The following SLC30A6 variants were observed in gnomAD, a reference collection of about 807,000 sequenced individuals.
SLC30A6 encodes solute carrier family 30 member 6, also known as zinc transporter 6.
A neutral mutation model predicts 63.0 loss-of-function variants in SLC30A6; 55 were observed. The observed-to-expected ratio is 0.87, with a 90% confidence interval of 0.70 to 1.09. SLC30A6 has a LOEUF of 1.09. SLC30A6 is among the 50% of genes least tolerant of loss of function. The probability of loss-of-function intolerance (pLI) is 0.00; values close to 1 mark genes in which losing one functional copy is unlikely to be tolerated. For missense variants in SLC30A6, 587 were observed against 549.2 expected, an observed-to-expected ratio of 1.07 and a Z score of -0.69; for synonymous variants, 224 against 186.1, an observed-to-expected ratio of 1.20 and a Z score of -1.66.
At chr2:32,216,913 A>G (rs1685760491) in intron 13 of SLC30A6, among the ~76,000 whole-genome samples, 1 of 151,368 alleles carries the variant, frequency 6.6e-6, no homozygotes, top group African/African-American at 2.4e-5. Context: ...TTTTTAGACG[A>G]AGTCTAGCTC....
At chr2:32,166,001 A>G in intron 1 of SLC30A6, 98 bp downstream of exon 1, 1 of 1,559,598 alleles carries the variant, frequency 6.4e-7, no homozygotes, top group Admixed American at 1.7e-5. Flanking sequence ...CACCCAGAGG[A>G]GGGGTCATTG....
rs1686052835 is a variant in SLC30A6, at chr2:32,220,269, T to C, written c.942T>C (p.Ala314=). The C allele has an allele frequency of 6.2e-7, 1 of 1,614,092 alleles. No homozygotes were observed. Among genetic ancestry groups the C allele is most frequent in the Admixed American group, 1.7e-5 (1 of 60,002 alleles). The part of the protein sequence containing the change: ...RRDANEQMVL[A]HVTNRLYTLV... ...ATGCCAATGAACAAATGGTTCTTGCTCATGTGACCAACAGGCTGTACACTC... is the reference window on the plus strand; with the variant it reads ...ATGCCAATGAACAAATGGTTCTTGCCCATGTGACCAACAGGCTGTACACTC... Residue 314 remains alanine (A), a synonymous_variant, in exon 14 of 14, where the codon GCT becomes GCC. Coordinates refer to ENST00000282587, the MANE Select transcript of SLC30A6 (RefSeq NM_017964.5).
At chr2:32,181,974 A>G (rs979392072) in intron 4 of SLC30A6, among the ~76,000 whole-genome samples, 20 of 131,644 alleles carry the variant, frequency 1.5e-4, no homozygotes, top group African/African-American at 5.3e-4. Context: ...TTACTCTGTC[A>G]CCCAGGCTGA....
chr2:32,211,110 A>G (rs954024022), intron 13 of SLC30A6, among the ~76,000 whole-genome samples: 2 of 152,138 alleles, frequency 1.3e-5, no homozygotes, highest in African/African-American at 4.8e-5. Flanking sequence ...TTTCCTTGGT[A>G]GGGTCTCAGA....
Position 32,223,643 on chromosome 2 carries a change from A to ATTAATT in SLC30A6, c.*2932_*2937dup. On this transcript the variant is annotated 3_prime_UTR_variant, in exon 14 of 14. Coordinates refer to ENST00000282587, the MANE Select transcript of SLC30A6 (RefSeq NM_017964.5). ...CGTTACCTACACCAACACCCAAGCC[A>ATTAATT]TTAATTTGAGGTGCCATGAGAATAG... 6.6e-6 allele frequency: 1 copy of ATTAATT among 152,352 alleles called. No homozygotes were observed. The highest frequency in any genetic ancestry group is 2.1e-4 in the South Asian group (1 of 4,830). The allele number at this position is 152,352 out of a possible 1,614,324, so 9.4% of individuals were successfully genotyped here.
chr2:32,188,463 G>A (rs1310738648), intron 5 of SLC30A6, among the ~76,000 whole-genome samples: 2 of 152,166 alleles, frequency 1.3e-5, no homozygotes, highest in African/African-American at 4.8e-5. Context: ...GGAGGCCGAG[G>A]TGGGAGGATC....
Position 32,222,003 on chromosome 2 carries a change from A to G in SLC30A6, c.*1290A>G, listed in dbSNP as rs1686170696. 1.3e-5 allele frequency: 2 copies of G among 152,238 alleles called. No individual in the cohort carries two copies. The highest frequency in any genetic ancestry group is 4.8e-5 in the African/African-American group (2 of 41,462). The allele number at this position is 152,238 out of a possible 1,614,324, so 9.4% of individuals were successfully genotyped here. On this transcript the variant is annotated 3_prime_UTR_variant, in exon 14 of 14. Transcript: ENST00000282587. ...TTCAAGTTGCACAAAGAATTTGAGC[A>G]TATATAATTTTACCAAAGCATAATG... is the stretch of plus-strand genomic sequence containing the variant.
At chr2:32,207,516 A>G (rs1456630706) in intron 12 of SLC30A6, among the ~76,000 whole-genome samples, 1 of 151,118 alleles carries the variant, frequency 6.6e-6, no homozygotes, top group African/African-American at 2.4e-5. Context: ...AGCCGGGACT[A>G]CAGATGCAAG....
rs1683466349 is a variant in SLC30A6, at chr2:32,192,943, G to A, written c.391G>A (p.Glu131Lys). The change falls in exon 7 of 14, where the codon GAG becomes AAG. Residue 131 changes from glutamate (E) to lysine (K), a missense_variant. Glu to Lys is a moderately conservative substitution (Grantham distance 56). Transcript: ENST00000282587. Reference sequence around the variant, plus strand: ...TGCAGAACGCTTTTTGGAACAGCCCGAGATACACACGTGAGATTTTATTTT... The same window carrying A: ...TGCAGAACGCTTTTTGGAACAGCCCAAGATACACACGTGAGATTTTATTTT... ...ESAERFLEQP[E>K]IHTGRLLVGT... 1 of 1,510,956 alleles carries A rather than the reference G, an allele frequency of 6.6e-7. No homozygotes were observed. The highest frequency in any genetic ancestry group is 1.3e-5 in the South Asian group (1 of 76,466). 93.6% of individuals were successfully genotyped at this position (1,510,956 alleles called of 1,614,324 possible).
At position 32,206,869 on chromosome 2, in the gene SLC30A6, A is replaced by G; in HGVS notation, c.769-17A>G. 5 of 1,605,344 alleles carry G rather than the reference A, an allele frequency of 3.1e-6. No homozygotes were observed. The highest frequency in any genetic ancestry group is 4.3e-6 in the Non-Finnish European group (5 of 1,172,344). ...TTCCTTCCCCCATTATTCATATTTTATTGTATTTTTCCCCAGACAACACCA... is the reference window on the plus strand; with the variant it reads ...TTCCTTCCCCCATTATTCATATTTTGTTGTATTTTTCCCCAGACAACACCA... On this transcript the variant is annotated splice_polypyrimidine_tract_variant and intron_variant, in intron 11 of 13. Transcript: ENST00000282587.
In SLC30A6 at chr2:32,202,960, G is replaced by C. The variant is rs531384475; in HGVS notation, c.666-1630G>C. 8 of 1,135,966 alleles carry C rather than the reference G, an allele frequency of 7.0e-6. No individual in the cohort carries two copies. The African/African-American group carries it at 1.2e-4, about 17-fold the overall frequency. 70.4% of individuals were successfully genotyped at this position (1,135,966 alleles called of 1,614,324 possible). On this transcript the variant is annotated intron_variant, in intron 10 of 13. Transcript: ENST00000282587. The stretch of plus-strand genomic sequence containing the variant: ...GGAGATGTCCTTCAAGTCTACAGTG[G>C]GTCTGAAGGGACGGCTATTATTTTC...
chr2:32,212,583 CTTTTTTTTTTTTTTTT>C (rs1193348947), intron 13 of SLC30A6, among the ~76,000 whole-genome samples: 2 of 83,022 alleles, frequency 2.4e-5, no homozygotes, highest in African/African-American at 1.0e-4. Flanking sequence ...CCATTTTTAC[CTTTTTTTTTTTTTTTT>C]TTTTTTTTTT....
chr2:32,203,246 G>A (rs1024890688), intron 10 of SLC30A6: 4 of 976,174 alleles, frequency 4.1e-6, no homozygotes, highest in South Asian at 1.3e-5. Context: ...AGGTAGAGCT[G>A]GACAGACAGG....
chr2:32,191,557 A>C (rs549945731), intron 5 of SLC30A6, among the ~76,000 whole-genome samples: 1 of 152,368 alleles, frequency 6.6e-6, no homozygotes, highest in East Asian at 1.9e-4. Flanking sequence ...GGGATTATAA[A>C]ATATATTCAT....
chr2:32,189,211 A>G (rs1164939945), intron 5 of SLC30A6, among the ~76,000 whole-genome samples: 1 of 151,592 alleles, frequency 6.6e-6, no homozygotes, highest in Non-Finnish European at 1.5e-5. Context: ...CAGTTTTACC[A>G]ATTTATACTC....
intron 1 of SLC30A6, among the ~76,000 whole-genome samples, chr2:32,166,636 C>T (rs924172238): frequency 5.7e-4 from 87 of 152,258 alleles, no homozygotes; most frequent in African/African-American, 2.0e-3. Context: ...GTCCAAGTGG[C>T]GTGTGCCTTT....
intron 13 of SLC30A6, among the ~76,000 whole-genome samples, chr2:32,218,722 A>G (rs776480249): frequency 1.3e-5 from 2 of 151,932 alleles, no homozygotes; most frequent in Non-Finnish European, 2.9e-5. Context: ...ATGCCCAGCT[A>G]ATTTTTGTAT....
At chr2:32,208,184 G>T (rs1037968144) in intron 12 of SLC30A6, among the ~76,000 whole-genome samples, 1 of 150,938 alleles carries the variant, frequency 6.6e-6, no homozygotes, top group Non-Finnish European at 1.5e-5. Context: ...AGGCTGGGGT[G>T]CAGTGGCATG....
intron 10 of SLC30A6, among the ~76,000 whole-genome samples, chr2:32,198,215 G>A (rs547553809): frequency 3.3e-5 from 5 of 152,140 alleles, no homozygotes; most frequent in Non-Finnish European, 7.4e-5. Context: ...GCTGCTTTAA[G>A]CTTAACATGT....
Sources: gnomAD v4.1 joint callset for allele counts (sites outside exome capture counted in the v4.1 genomes callset) on GRCh38, gnomAD v4.1.1 for gene constraint, MANE v1.5 for transcripts, NCBI Gene and HGNC (gene_info 2026-07-23, HGNC 2026-07-21) for gene names.